Variants in AGBL4 observed in about 807,000 individuals in gnomAD.
The protein encoded by AGBL4 is AGBL carboxypeptidase 4, also known as cytosolic carboxypeptidase 6.
AGBL4 carries 58 observed loss-of-function variants against 66.4 expected under a neutral mutation model. The ratio of observed to expected loss-of-function variants is 0.87; its 90% confidence interval spans 0.71 to 1.09. The LOEUF (loss-of-function observed/expected upper bound fraction) is 1.09, where lower values mean the gene tolerates loss of function less well. Among genes scored for constraint, AGBL4 ranks in the 50% least tolerant of loss-of-function variants. The pLI is 0.00. For missense variants in AGBL4, 579 were observed against 631.0 expected, an observed-to-expected ratio of 0.92 and a Z score of 0.88; for synonymous variants, 234 against 222.9, an observed-to-expected ratio of 1.05 and a Z score of -0.44.
At chr1:49,711,059 A>C (rs2124657975) in intron 2 of AGBL4, among the ~76,000 whole-genome samples, 1 of 152,196 alleles carries the variant, frequency 6.6e-6, no homozygotes, top group South Asian at 2.1e-4. Flanking sequence ...ATAGCTAAAA[A>C]ATAAAAACAT....
intron 1 of AGBL4, among the ~76,000 whole-genome samples, chr1:49,935,416 A>G (rs754594707): frequency 4.6e-5 from 7 of 152,182 alleles, no homozygotes; most frequent in Non-Finnish European, 1.0e-4. Flanking sequence ...GGCACAGACA[A>G]ACAAAAAGAC....
At chr1:49,568,297 T>C (rs543649208) in intron 3 of AGBL4, among the ~76,000 whole-genome samples, 9 of 152,276 alleles carry the variant, frequency 5.9e-5, no homozygotes, top group African/African-American at 2.2e-4. Context: ...AGTCTCAGGA[T>C]ACAAAATTAA....
chr1:49,761,037 G>T (rs1652268331), intron 2 of AGBL4, among the ~76,000 whole-genome samples: 1 of 151,938 alleles, frequency 6.6e-6, no homozygotes, highest in South Asian at 2.1e-4. Flanking sequence ...GGGGTAATGG[G>T]AGGGAACTTA....
intron 1 of AGBL4, among the ~76,000 whole-genome samples, chr1:49,992,321 G>A (rs1029130231): frequency 6.7e-6 from 1 of 150,226 alleles, no homozygotes; most frequent in South Asian, 2.1e-4. Context: ...GCAGTGAGGC[G>A]AGACCGCGCC....
chr1:49,972,094 T>C (rs1384166984), intron 1 of AGBL4, among the ~76,000 whole-genome samples: 1 of 151,240 alleles, frequency 6.6e-6, no homozygotes, highest in Non-Finnish European at 1.5e-5. Context: ...ATTTTTTGTA[T>C]TTTCAGTAGA....
At chr1:49,551,390 G>A (rs777913636) in intron 3 of AGBL4, among the ~76,000 whole-genome samples, 1 of 152,188 alleles carries the variant, frequency 6.6e-6, no homozygotes, top group Non-Finnish European at 1.5e-5. Context: ...CATATTACCA[G>A]AGTTGGTTTT....
intron 3 of AGBL4, among the ~76,000 whole-genome samples, chr1:49,488,870 CT>C (rs1239925619): frequency 1.3e-4 from 20 of 152,000 alleles, no homozygotes; most frequent in African/African-American, 3.9e-4. Context: ...GGATCTCATT[CT>C]TTTTTATGGC....
chr1:49,318,340 G>T (rs1645074319), intron 3 of AGBL4, among the ~76,000 whole-genome samples: 1 of 151,698 alleles, frequency 6.6e-6, no homozygotes, highest in Admixed American at 6.6e-5. Flanking sequence ...AAACACAAAT[G>T]CATTAGTTTA....
At chr1:49,084,999 C>A (rs1368615328) in intron 4 of AGBL4, among the ~76,000 whole-genome samples, 1 of 151,938 alleles carries the variant, frequency 6.6e-6, no homozygotes, top group African/African-American at 2.4e-5. Flanking sequence ...TTGACTGAGC[C>A]AAGGGATGCT....
At chr1:49,237,801 G>A (rs1281956167) in intron 4 of AGBL4, among the ~76,000 whole-genome samples, 1 of 151,730 alleles carries the variant, frequency 6.6e-6, no homozygotes, top group East Asian at 1.9e-4. Context: ...TATTCTTTTT[G>A]TTGTTGTTTC....
rs564550045 is a variant in AGBL4, at chr1:48,784,781, C to T, written c.634+82410G>A. On this transcript the variant is annotated intron_variant, in intron 6 of 13. Transcript: ENST00000371839. The stretch of plus-strand genomic sequence containing the variant: ...TCACAAATGGAAATCATTGGTCAAA[C>T]AAATGATCTGAATCCCAGCATTTTA... Among the ~76,000 whole-genome samples, 61 of 152,136 alleles carry T rather than the reference C, an allele frequency of 4.0e-4. 1 individual carries two copies. The highest frequency in any genetic ancestry group is 1.9e-4 in the Non-Finnish European group (13 of 68,030).
intron 3 of AGBL4, among the ~76,000 whole-genome samples, chr1:49,626,465 A>G (rs1446467980): frequency 6.6e-6 from 1 of 152,184 alleles, no homozygotes; most frequent in Non-Finnish European, 1.5e-5. Flanking sequence ...TATCTAGAAT[A>G]GATATCTAAA....
At chr1:49,929,221 T>A (rs1172513012) in intron 1 of AGBL4, among the ~76,000 whole-genome samples, 2 of 152,202 alleles carry the variant, frequency 1.3e-5, no homozygotes, top group Non-Finnish European at 2.9e-5. Context: ...GCTCACTTCC[T>A]GGGTGACAGG....
At chr1:48,577,968 A>G (rs1008957116) in intron 11 of AGBL4, among the ~76,000 whole-genome samples, 1 of 152,180 alleles carries the variant, frequency 6.6e-6, no homozygotes, top group Non-Finnish European at 1.5e-5. Context: ...AGCTGGATCA[A>G]TCTGGATTTT....
chr1:48,539,439 ACTGT>A (rs1260643538), intron 12 of AGBL4, among the ~76,000 whole-genome samples, 199 bp downstream of exon 12: 4 of 151,828 alleles, frequency 2.6e-5, no homozygotes, highest in Admixed American at 6.6e-5. Context: ...CCATGCCCTC[ACTGT>A]CTGACCCCTT....
chr1:49,698,224 A>T (rs184179567), intron 2 of AGBL4, among the ~76,000 whole-genome samples: 1,689 of 152,252 alleles, frequency 0.011, 27 homozygotes, highest in African/African-American at 0.039. Context: ...GCAACTTTAG[A>T]CAATTCACTT....
chr1:48,730,924 C>T (rs1450731672), intron 6 of AGBL4, among the ~76,000 whole-genome samples: 4 of 152,196 alleles, frequency 2.6e-5, no homozygotes, highest in Admixed American at 6.5e-5. Flanking sequence ...TGGAGCTTGT[C>T]ATTAGAGCAA....
At chr1:49,997,336 A>C (rs1213283261) in intron 1 of AGBL4, among the ~76,000 whole-genome samples, 1 of 152,126 alleles carries the variant, frequency 6.6e-6, no homozygotes, top group Non-Finnish European at 1.5e-5. Context: ...AGGACTCACA[A>C]AAACTCAAGG....
intron 4 of AGBL4, among the ~76,000 whole-genome samples, chr1:49,158,947 CT>C (rs1452073778): frequency 2.1e-5 from 3 of 143,078 alleles, no homozygotes; most frequent in African/African-American, 5.2e-5. Context: ...TATTTTGAGC[CT>C]ATGTATGTCT....
Sources: allele counts gnomAD v4.1 joint callset (sites outside exome capture counted in the v4.1 genomes callset), GRCh38; gene constraint gnomAD v4.1.1; transcripts MANE v1.5; gene names NCBI Gene and HGNC (gene_info 2026-07-23, HGNC 2026-07-21).